CCR5AS: variants seen among roughly 807,000 people sequenced by gnomAD.
CCR5AS encodes the protein CCR5 antisense RNA.
At position 46,366,686 on chromosome 3, in the gene CCR5AS, G is replaced by A. The variant is rs1701602616; in HGVS notation, n.566-1641C>T. On this transcript the variant is annotated intron_variant and non_coding_transcript_variant, in intron 3 of 3. Transcript: ENST00000451485. ...AGGGATGGAGACAACAGCATGGTGA[G>A]TTCCCAACCCACCCACGATGATAGG... Among the ~76,000 whole-genome samples the A allele has an allele frequency of 1.3e-5, 2 of 152,210 alleles. 1 individual carries two copies. Among genetic ancestry groups the A allele is most frequent in the South Asian group, 4.1e-4 (2 of 4,828 alleles).
In CCR5AS at chr3:46,373,224, T is replaced by C. The variant is rs762167048; in HGVS notation, n.392-1807A>G. Reference sequence around the variant, plus strand: ...AATGTGTCAACTCTTGACAGGGCTCTATTTTATAGGCTTCTTCTCTGGAAT... The same window carrying C: ...AATGTGTCAACTCTTGACAGGGCTCCATTTTATAGGCTTCTTCTCTGGAAT... On this transcript the variant is annotated intron_variant and non_coding_transcript_variant, in intron 2 of 3. Coordinates refer to ENST00000451485, the Ensembl canonical transcript of CCR5AS. 5.0e-6 allele frequency: 8 copies of C among 1,614,080 alleles called. No individual in the cohort carries two copies. The Admixed American group carries it at 1.2e-4, about 24-fold the overall frequency.
intron 2 of CCR5AS, among the ~76,000 whole-genome samples, chr3:46,389,038 G>A (rs1701885248): frequency 6.6e-6 from 1 of 152,188 alleles, no homozygotes; most frequent in Admixed American, 6.5e-5. Context: ...ATGGTGAATA[G>A]GAGTATGACT....
intron 3 of CCR5AS, among the ~76,000 whole-genome samples, chr3:46,366,967 G>A (rs371506281): frequency 8.9e-4 from 135 of 152,290 alleles, no homozygotes; most frequent in Middle Eastern, 3.4e-3. Flanking sequence ...CTGAACAACC[G>A]AGAAGAGCCC....
At chr3:46,385,930 T>A (rs558768265) in intron 2 of CCR5AS, among the ~76,000 whole-genome samples, 2 of 152,034 alleles carry the variant, frequency 1.3e-5, no homozygotes, top group Admixed American at 1.3e-4. Context: ...TCAGTAGAGA[T>A]GGGGTTTCAC....
chr3:46,372,987 G>A (rs1800939), intron 2 of CCR5AS: 7 of 1,613,724 alleles, frequency 4.3e-6, no homozygotes, highest in Admixed American at 3.3e-5. Flanking sequence ...GAAGCAAATC[G>A]CAGCCCGCCT....
chr3:46,390,734 T>C (rs1278669774), intron 2 of CCR5AS, among the ~76,000 whole-genome samples: 1 of 152,138 alleles, frequency 6.6e-6, no homozygotes, highest in Non-Finnish European at 1.5e-5. Flanking sequence ...GGTTAAAATG[T>C]CTCAGCCTAT....
At chr3:46,383,857 C>T (rs1171666146) in intron 2 of CCR5AS, among the ~76,000 whole-genome samples, 1 of 152,140 alleles carries the variant, frequency 6.6e-6, no homozygotes, top group Admixed American at 6.5e-5. Context: ...CAGCTATGTG[C>T]CAGATGCCAA....
intron 2 of CCR5AS, among the ~76,000 whole-genome samples, chr3:46,380,135 C>G (rs1359116438): frequency 1.3e-5 from 2 of 152,018 alleles, no homozygotes; most frequent in African/African-American, 4.8e-5. Flanking sequence ...AGTGGGCATG[C>G]CTTCAACCTG....
intron 1 of CCR5AS, among the ~76,000 whole-genome samples, chr3:46,403,143 G>A (rs1162424002): frequency 6.6e-6 from 1 of 152,172 alleles, no homozygotes; most frequent in African/African-American, 2.4e-5. Context: ...ATCTGTCATT[G>A]ATGGGCATTT....
rs553361282 is a variant in CCR5AS, at chr3:46,406,119, T to A, written n.163+778A>T. 8.5e-5 allele frequency among the ~76,000 whole-genome samples: 13 copies of A among 152,254 alleles called. No homozygotes were observed. The South Asian group carries it at 2.7e-3, about 32-fold the overall frequency. On this transcript the variant is annotated intron_variant and non_coding_transcript_variant, in intron 1 of 3. Transcript: ENST00000451485. ...TCAAACTCCTGGGCTCAAGCGACCC[T>A]CCCACCTCATACTTCTGAGTAGCTG... is the stretch of plus-strand genomic sequence containing the variant.
At chr3:46,384,809 T>G (rs1193134662) in intron 2 of CCR5AS, among the ~76,000 whole-genome samples, 11 of 152,094 alleles carry the variant, frequency 7.2e-5, no homozygotes, top group Admixed American at 6.5e-4. Flanking sequence ...CACAGCTGAC[T>G]TGAGATAGAT....
At chr3:46,372,409 C>T (rs1158168760) in intron 2 of CCR5AS, among the ~76,000 whole-genome samples, 5 of 151,988 alleles carry the variant, frequency 3.3e-5, no homozygotes, top group Admixed American at 1.3e-4. Flanking sequence ...CGCCTGTAGT[C>T]CCCAGCCACT....
exon 4 of CCR5AS, among the ~76,000 whole-genome samples, chr3:46,364,752 C>T (rs1701584248): frequency 6.6e-6 from 1 of 152,058 alleles, no homozygotes; most frequent in African/African-American, 2.4e-5. Context: ...ATTCTAGATG[C>T]CATTAGGAAC....
intron 2 of CCR5AS, among the ~76,000 whole-genome samples, chr3:46,379,007 T>C (rs1017686327): frequency 1.3e-5 from 2 of 151,970 alleles, no homozygotes; most frequent in Admixed American, 6.5e-5. Context: ...ATTTCTTTTT[T>C]TTTTTTTTTT....
At position 46,384,855 on chromosome 3, in the gene CCR5AS, TGATAGATAGATAGATAGATA is replaced by T. The variant is rs72247341; in HGVS notation, n.391+7950_391+7969del. On this transcript the variant is annotated intron_variant and non_coding_transcript_variant, in intron 2 of 3. Transcript: ENST00000451485. ...TAGATAGATGGATAGGGTACATAGA[TGATAGATAGATAGATAGATA>T]GATAGATAGATAGATAGATAGATAG... is the stretch of plus-strand genomic sequence containing the variant. Among the ~76,000 whole-genome samples, 1,037 of 144,146 alleles carry T rather than the reference TGATAGATAGATAGATAGATA, an allele frequency of 7.2e-3. 13 individuals are homozygous for T. Among genetic ancestry groups the T allele is most frequent in the Admixed American group, 0.016 (230 of 14,522 alleles). 94.6% of individuals were successfully genotyped at this position (144,146 alleles called of 152,430 possible).
chr3:46,395,685 T>C (rs1359704122), intron 1 of CCR5AS, among the ~76,000 whole-genome samples: 1 of 152,158 alleles, frequency 6.6e-6, no homozygotes. Flanking sequence ...TCCTTCCGCC[T>C]AGAAAAGCAC....
chr3:46,392,913 G>A (rs1352018686), exon 2 of CCR5AS: 2 of 185,630 alleles, frequency 1.1e-5, no homozygotes, highest in African/African-American at 2.4e-5. Context: ...GGTGAGGAGA[G>A]GGGACCAATC....
chr3:46,397,593 T>C (rs1325401240), intron 1 of CCR5AS, among the ~76,000 whole-genome samples: 1 of 152,102 alleles, frequency 6.6e-6, no homozygotes. Flanking sequence ...AAGGGACACA[T>C]CAGCCCACTA....
intron 2 of CCR5AS, chr3:46,373,527 G>C: frequency 6.2e-7 from 1 of 1,613,342 alleles, no homozygotes; most frequent in East Asian, 2.2e-5. Context: ...GCCGCTGCTT[G>C]TCATGGTCAT....
Sources: gnomAD v4.1 joint callset for allele counts (sites outside exome capture counted in the v4.1 genomes callset) on GRCh38, gnomAD v4.1.1 for gene constraint, MANE v1.5 for transcripts, NCBI Gene and HGNC (gene_info 2026-07-23, HGNC 2026-07-21) for gene names.